The following ZNF804B variants were observed in gnomAD, a reference collection of about 807,000 sequenced individuals.
The protein encoded by ZNF804B is zinc finger 804B.
In ZNF804B, 80 loss-of-function variants were observed where a neutral mutation model predicts 101.4. The ratio of observed to expected loss-of-function variants is 0.79; its 90% CI spans 0.66 to 0.95. ZNF804B has a LOEUF of 0.95. Ranked by LOEUF, ZNF804B falls within the 40% of genes least tolerant of loss-of-function variation. The pLI, the probability that ZNF804B is intolerant of heterozygous loss-of-function variation, is 0.00. For missense variants in ZNF804B, 1,673 were observed against 1,561.9 expected, an observed-to-expected ratio of 1.07 and a Z score of -1.20; for synonymous variants, 622 against 558.8, an observed-to-expected ratio of 1.11 and a Z score of -1.59.
intron 1 of ZNF804B, among the ~76,000 whole-genome samples, chr7:89,214,208 A>C (rs1389558782): frequency 1.3e-5 from 2 of 152,200 alleles, no homozygotes; most frequent in Non-Finnish European, 2.9e-5. Context: ...GTCATATTCA[A>C]TATTCAATTT....
chr7:88,987,098 C>T (rs1356698711), intron 1 of ZNF804B, among the ~76,000 whole-genome samples: 13 of 152,072 alleles, frequency 8.5e-5, no homozygotes, highest in Admixed American at 5.9e-4. Context: ...TGTCCCTCAA[C>T]TACTTGATTA....
At chr7:89,171,801 TA>T (rs1791240980) in intron 1 of ZNF804B, among the ~76,000 whole-genome samples, 1 of 152,094 alleles carries the variant, frequency 6.6e-6, no homozygotes, top group Non-Finnish European at 1.5e-5. Flanking sequence ...TTCCAATAGC[TA>T]GTGTTGGCAA....
At chr7:89,044,077 C>A (rs1208231094) in intron 1 of ZNF804B, among the ~76,000 whole-genome samples, 1 of 152,164 alleles carries the variant, frequency 6.6e-6, no homozygotes, top group East Asian at 1.9e-4. Context: ...ACAGACACTG[C>A]ATAATCCCCA....
intron 1 of ZNF804B, among the ~76,000 whole-genome samples, chr7:88,814,611 G>C (rs1453188797): frequency 6.6e-6 from 1 of 152,064 alleles, no homozygotes; most frequent in Non-Finnish European, 1.5e-5. Context: ...ACAATTTGGG[G>C]TTTAAATTTG....
intron 1 of ZNF804B, among the ~76,000 whole-genome samples, chr7:88,948,279 C>A (rs1397756313): frequency 2.7e-5 from 4 of 147,334 alleles, no homozygotes; most frequent in African/African-American, 7.5e-5. Flanking sequence ...AGCACAGAAA[C>A]AACCTTCGTG....
chr7:88,985,251 CAAA>C (rs58927850), intron 1 of ZNF804B, among the ~76,000 whole-genome samples: 2 of 126,030 alleles, frequency 1.6e-5, no homozygotes, highest in African/African-American at 2.8e-5. Context: ...TTTGTTTAAC[CAAA>C]AAAAAAAAAA....
At position 89,220,137 on chromosome 7, in the gene ZNF804B, A is replaced by ATG. The variant is rs1357865248; in HGVS notation, c.249+1848_249+1849dup. On this transcript the variant is annotated intron_variant, in intron 2 of 3. Coordinates refer to ENST00000333190, the MANE Select transcript of ZNF804B (RefSeq NM_181646.5). ...TATACATATATATACGCACACATAT[A>ATG]TGTGTGTATATACATATATATATAC... Among the ~76,000 whole-genome samples the ATG allele has an allele frequency of 3.8e-5, 5 of 131,398 alleles. 1 individual carries two copies. The highest frequency in any genetic ancestry group is 9.1e-5 in the African/African-American group (3 of 32,940). 86.2% of individuals were successfully genotyped at this position (131,398 alleles called of 152,430 possible).
At chr7:88,762,860 TG>T (rs1172111450) in intron 1 of ZNF804B, among the ~76,000 whole-genome samples, 1 of 152,186 alleles carries the variant, frequency 6.6e-6, no homozygotes, top group African/African-American at 2.4e-5. Flanking sequence ...ACTTCAACTT[TG>T]GTCTTTGCCC....
intron 1 of ZNF804B, among the ~76,000 whole-genome samples, chr7:89,167,467 A>AAATT (rs1562903240): frequency 5.9e-5 from 9 of 151,518 alleles, no homozygotes; most frequent in East Asian, 1.9e-4. Flanking sequence ...ATAAATAAAT[A>AAATT]AATAATCCCT....
At chr7:88,985,635 G>C (rs554903563) in intron 1 of ZNF804B, among the ~76,000 whole-genome samples, 2 of 152,174 alleles carry the variant, frequency 1.3e-5, no homozygotes, top group South Asian at 4.1e-4. Context: ...ATTATAGAAA[G>C]AGGAAAAAGC....
chr7:89,293,269 T>C (rs1790325846), intron 2 of ZNF804B, among the ~76,000 whole-genome samples: 1 of 152,120 alleles, frequency 6.6e-6, no homozygotes, highest in East Asian at 1.9e-4. Context: ...TCAAATGTTC[T>C]CACCACAAAA....
chr7:89,285,596 A>C (rs957338268), intron 2 of ZNF804B, among the ~76,000 whole-genome samples: 28 of 144,036 alleles, frequency 1.9e-4, no homozygotes, highest in African/African-American at 7.9e-4. Flanking sequence ...TGATTATTGA[A>C]GAGAAGGGAT....
chr7:89,168,493 T>G (rs569504688), intron 1 of ZNF804B, among the ~76,000 whole-genome samples: 1 of 152,136 alleles, frequency 6.6e-6, no homozygotes, highest in Non-Finnish European at 1.5e-5. Flanking sequence ...AACTTTATAT[T>G]TCTTGCTGTG....
intron 1 of ZNF804B, among the ~76,000 whole-genome samples, chr7:88,829,634 A>G (rs1791102540): frequency 6.6e-6 from 1 of 152,140 alleles, no homozygotes; most frequent in South Asian, 2.1e-4. Flanking sequence ...ATTAAAGATA[A>G]AAAAGAGAAG....
chr7:88,937,737 A>G (rs554048235), intron 1 of ZNF804B, among the ~76,000 whole-genome samples: 1 of 152,220 alleles, frequency 6.6e-6, no homozygotes, highest in South Asian at 2.1e-4. Flanking sequence ...AGAAAAGAAA[A>G]ATCAATATGT....
At chr7:88,973,871 T>C (rs1793572577) in intron 1 of ZNF804B, among the ~76,000 whole-genome samples, 1 of 151,428 alleles carries the variant, frequency 6.6e-6, no homozygotes, top group African/African-American at 2.4e-5. Flanking sequence ...GATGCCATCA[T>C]CCCATTGACA....
In ZNF804B at chr7:88,945,716, A is replaced by G. The variant is rs540801404; in HGVS notation, c.108+185632A>G. On this transcript the variant is annotated intron_variant, in intron 1 of 3. Coordinates refer to ENST00000333190, the MANE Select transcript of ZNF804B (RefSeq NM_181646.5). ...TTTTCATGATATTGATTCTTCCTAT[A>G]CATCAGCATGGAATATTTTTCCATT... Among the ~76,000 whole-genome samples the G allele has an allele frequency of 2.6e-5, 4 of 152,160 alleles. No individual in the cohort carries two copies. In the East Asian group the frequency reaches 7.8e-4, roughly 30 times the overall value.
chr7:89,327,699 A>C (rs1056865283), intron 3 of ZNF804B, among the ~76,000 whole-genome samples: 45 of 152,014 alleles, frequency 3.0e-4, no homozygotes, highest in African/African-American at 1.0e-3. Context: ...TGATCCCAGA[A>C]TGATTCAAAT....
intron 1 of ZNF804B, among the ~76,000 whole-genome samples, chr7:89,016,530 G>A (rs1259481455): frequency 2.0e-5 from 3 of 150,282 alleles, no homozygotes; most frequent in Non-Finnish European, 4.4e-5. Context: ...TGTAAGGAAG[G>A]GATCCAGTTT....
Sources: allele counts gnomAD v4.1 joint callset (sites outside exome capture counted in the v4.1 genomes callset), GRCh38; gene constraint gnomAD v4.1.1; transcripts MANE v1.5; gene names NCBI Gene and HGNC (gene_info 2026-07-23, HGNC 2026-07-21).